SOD3: variants seen among roughly 807,000 people sequenced by gnomAD.
SOD3 encodes extracellular superoxide dismutase [Cu-Zn].
Under a neutral mutation model 2.6 loss-of-function variants are expected in SOD3, and 3 were observed. The observed-to-expected ratio is 1.13, with a 90% CI of 0.52 to 2.93. The LOEUF is 2.93. SOD3 is among the 30% of genes most tolerant of loss of function. The probability of loss-of-function intolerance (pLI) is 0.04; values close to 1 mark genes in which losing one functional copy is unlikely to be tolerated. For synonymous variants in SOD3, 188 were observed against 177.5 expected, an observed-to-expected ratio of 1.06 and a Z score of -0.47; for missense variants, 379 against 370.4, an observed-to-expected ratio of 1.02 and a Z score of -0.19.
At chr4:24,797,977 C>A (rs1713719685) in intron 1 of SOD3, among the ~76,000 whole-genome samples, 1 of 152,166 alleles carries the variant, frequency 6.6e-6, no homozygotes, top group African/African-American at 2.4e-5. Flanking sequence ...GGATTCAAAT[C>A]TGTACCTGAC....
intron 1 of SOD3, 105 bp from the exon 2 acceptor site, chr4:24,799,401 A>C (rs1713761693): frequency 1.5e-6 from 2 of 1,351,306 alleles, no homozygotes; most frequent in South Asian, 1.4e-5. Context: ...CAGGAAGCCC[A>C]CTGGGGACTG....
chr4:24,800,269 C>A lies in SOD3; in HGVS notation c.*25C>A. 7.3e-7 allele frequency: 1 copy of A among 1,378,960 alleles called. No homozygotes were observed. Among genetic ancestry groups the A allele is most frequent in the South Asian group, 1.7e-5 (1 of 57,264 alleles). 85.4% of individuals were successfully genotyped at this position (1,378,960 alleles called of 1,614,324 possible). On this transcript the variant is annotated 3_prime_UTR_variant, in exon 2 of 2. Coordinates refer to ENST00000382120, the MANE Select transcript of SOD3 (RefSeq NM_003102.4). ...AGCGCGGCCCCCACCCGGCGGCGGC[C>A]AGGGACCCCCGAGGCCCCCCTCTGC...
Position 24,800,355 on chromosome 4 carries a change from TGCTGAAGTCTCCCC to T in SOD3, c.*114_*127del. On this transcript the variant is annotated 3_prime_UTR_variant, in exon 2 of 2. Coordinates refer to ENST00000382120, the MANE Select transcript of SOD3 (RefSeq NM_003102.4). ...CACTCTGAGGTCTCACCTTCGCCTT[TGCTGAAGTCTCCCC>T]GCAGCCCTCTCCACCCAGAGGTCTC... 1.8e-6 allele frequency: 2 copies of T among 1,109,794 alleles called. No individual in the cohort carries two copies. Among genetic ancestry groups the T allele is most frequent in the Non-Finnish European group, 2.4e-6 (2 of 848,448 alleles). 68.7% of individuals were successfully genotyped at this position (1,109,794 alleles called of 1,614,324 possible). A position where few individuals can be genotyped will look rare whatever the true frequency, so the allele number is the denominator to read the frequency against.
Position 24,799,774 on chromosome 4 carries a change from C to A in SOD3, c.253C>A (p.Arg85=). 6.4e-7 allele frequency: 1 copy of A among 1,574,426 alleles called. No homozygotes were observed. Among genetic ancestry groups the A allele is most frequent in the East Asian group, 2.3e-5 (1 of 43,210 alleles). The part of the protein sequence containing the change: ...QPRVTGVVLF[R]QLAPRAKLDA... ...CCGGGTGACCGGCGTCGTCCTCTTC[C>A]GGCAGCTTGCGCCCCGCGCCAAGCT... is the stretch of plus-strand genomic sequence containing the variant. The change falls in exon 2 of 2, where the codon CGG becomes AGG. Residue 85 remains arginine (R), a synonymous_variant. Coordinates refer to ENST00000382120, the MANE Select transcript of SOD3 (RefSeq NM_003102.4).
chr4:24,799,381 C>T (rs1028916593), intron 1 of SOD3, 125 bp from the exon 2 acceptor site: 1 of 1,118,028 alleles, frequency 8.9e-7, no homozygotes, highest in Non-Finnish European at 1.2e-6. Flanking sequence ...TGAAGTCATG[C>T]CCACTGGGCC....
chr4:24,799,878 G>T lies in SOD3; in HGVS notation c.357G>T (p.Gly119=), dbSNP rs1052441151. Residue 119 remains glycine, a synonymous_variant, in exon 2 of 2, where the codon GGG becomes GGT. Coordinates refer to ENST00000382120, the MANE Select transcript of SOD3 (RefSeq NM_003102.4). ...SSRAIHVHQF[G]DLSQGCESTG... ...GCGCCATCCACGTGCACCAGTTCGG[G>T]GACCTGAGCCAGGGCTGCGAGTCCA... The T allele has an allele frequency of 1.2e-6, 2 of 1,602,670 alleles. No individual in the cohort carries two copies. Among genetic ancestry groups the T allele is most frequent in the African/African-American group, 1.3e-5 (1 of 74,830 alleles).
intron 1 of SOD3, among the ~76,000 whole-genome samples, chr4:24,796,024 G>A (rs1713648857): frequency 6.6e-6 from 1 of 152,170 alleles, no homozygotes; most frequent in Admixed American, 6.5e-5. Context: ...AAGCAGAGAG[G>A]CCCTGGCCAG....
At position 24,800,138 on chromosome 4, in the gene SOD3, C is replaced by A; in HGVS notation, c.617C>A (p.Ala206Asp). 7.2e-7 allele frequency: 1 copy of A among 1,384,702 alleles called. No homozygotes were observed. Among genetic ancestry groups the A allele is most frequent in the Non-Finnish European group, 9.3e-7 (1 of 1,080,298 alleles). The allele number at this position is 1,384,702 out of a possible 1,614,324, so 85.8% of individuals were successfully genotyped here. A position where few individuals can be genotyped will look rare whatever the true frequency, so the allele number is the denominator to read the frequency against. Residue 206 changes from alanine (A) to aspartate (D), a missense_variant, in exon 2 of 2, where the codon GCC becomes GAC. Ala to Asp is a moderately radical substitution (Grantham distance 126). Transcript: ENST00000382120. Reference sequence around the variant, plus strand: ...AACGGGAACGCGGGCCGGCGGCTGGCCTGCTGCGTGGTGGGCGTGTGCGGG... The same window carrying A: ...AACGGGAACGCGGGCCGGCGGCTGGACTGCTGCGTGGTGGGCGTGTGCGGG... The part of the protein sequence containing the change: ...VENGNAGRRL[A>D]CCVVGVCGPG...
intron 1 of SOD3, among the ~76,000 whole-genome samples, chr4:24,799,117 G>C (rs1454979769): frequency 6.6e-6 from 1 of 152,138 alleles, no homozygotes; most frequent in East Asian, 1.9e-4. Context: ...GGATGTCTGT[G>C]GGGGAGGATG....
In SOD3 at chr4:24,800,082, G is replaced by A; in HGVS notation, c.561G>A (p.Leu187=). 7.1e-7 allele frequency: 1 copy of A among 1,406,402 alleles called. No individual in the cohort carries two copies. Among genetic ancestry groups the A allele is most frequent in the Non-Finnish European group, 9.2e-7 (1 of 1,091,564 alleles). The allele number at this position is 1,406,402 out of a possible 1,614,324, so 87.1% of individuals were successfully genotyped here. ...TCGTCCACGCTGGCGAGGACGACCT[G>A]GGCCGCGGCGGCAACCAGGCCAGCG... ...AVVVHAGEDD[L]GRGGNQASVE... Residue 187 remains leucine, a synonymous_variant, in exon 2 of 2, where the codon CTG becomes CTA. Coordinates refer to ENST00000382120, the MANE Select transcript of SOD3 (RefSeq NM_003102.4).
intron 1 of SOD3, among the ~76,000 whole-genome samples, chr4:24,798,588 C>T (rs1266739466): frequency 6.6e-6 from 1 of 152,148 alleles, no homozygotes; most frequent in East Asian, 1.9e-4. Flanking sequence ...TTCTTCCTCC[C>T]CTTTCCTCTT....
intron 1 of SOD3, among the ~76,000 whole-genome samples, chr4:24,796,317 A>G (rs1713657306): frequency 6.6e-6 from 1 of 152,134 alleles, no homozygotes; most frequent in African/African-American, 2.4e-5. Context: ...GTGGGAGAAG[A>G]ATCAAGTTGG....
At chr4:24,797,919 T>C (rs1270265322) in intron 1 of SOD3, among the ~76,000 whole-genome samples, 1 of 152,190 alleles carries the variant, frequency 6.6e-6, no homozygotes, top group African/African-American at 2.4e-5. Context: ...AACTTGAAGC[T>C]AAGCATCAGT....
At chr4:24,799,479 C>G (rs761568110) in intron 1 of SOD3, 27 bp from the exon 2 acceptor site, 6 of 1,590,844 alleles carry the variant, frequency 3.8e-6, no homozygotes, top group Non-Finnish European at 4.3e-6. Flanking sequence ...CTCACTCTGC[C>G]CCCACCTCCG....
At position 24,799,678 on chromosome 4, in the gene SOD3, C is replaced by T. The variant is rs1214038276; in HGVS notation, c.157C>T (p.Arg53Trp). 2 of 1,594,076 alleles carry T rather than the reference C, an allele frequency of 1.3e-6. No individual in the cohort carries two copies. The change falls in exon 2 of 2, where the codon CGG (arginine) becomes TGG (tryptophan). Residue 53 changes from arginine (R) to tryptophan (W), a missense_variant. By Grantham distance (101) the Arg-to-Trp change is moderately radical. Transcript: ENST00000382120. ...TEIWQEVMQR[R>W]DDDGALHAAC... ...GATCTGGCAGGAGGTCATGCAGCGG[C>T]GGGACGACGACGGCGCGCTCCACGC... is the stretch of plus-strand genomic sequence containing the variant.
chr4:24,800,243 G>T lies in SOD3; in HGVS notation c.722G>T (p.Ter241LeuextTer31). 7.2e-7 allele frequency: 1 copy of T among 1,397,492 alleles called. No individual in the cohort carries two copies. The highest frequency in any genetic ancestry group is 3.6e-5 in the Admixed American group (1 of 27,478). The allele number at this position is 1,397,492 out of a possible 1,614,324, so 86.6% of individuals were successfully genotyped here. A position where few individuals can be genotyped will look rare whatever the true frequency, so the allele number is the denominator to read the frequency against. ...CGCGAGAGCGAGTGCAAGGCCGCCT[G>T]AGCGCGGCCCCCACCCGGCGGCGGC... ...RRRESECKAA[*>L] Residue 241 changes from the stop codon to leucine (L), a stop_lost, in exon 2 of 2, where the codon TGA becomes TTA. Transcript: ENST00000382120.
At chr4:24,796,435 C>CCTTTTT (rs1713662066) in intron 1 of SOD3, among the ~76,000 whole-genome samples, 1 of 71,938 alleles carries the variant, frequency 1.4e-5, no homozygotes, top group Non-Finnish European at 2.2e-5. Context: ...TCCTTCTTCT[C>CCTTTTT]TTTTTTTTTT....
chr4:24,799,767 C>A lies in SOD3; in HGVS notation c.246C>A (p.Val82=). Residue 82 remains valine, a synonymous_variant, in exon 2 of 2, where the codon GTC becomes GTA. Coordinates refer to ENST00000382120, the MANE Select transcript of SOD3 (RefSeq NM_003102.4). The part of the protein sequence containing the change: ...DAAQPRVTGV[V]LFRQLAPRAK... ...CGCAGCCCCGGGTGACCGGCGTCGT[C>A]CTCTTCCGGCAGCTTGCGCCCCGCG... 2.5e-6 allele frequency: 4 copies of A among 1,571,370 alleles called. No homozygotes were observed. Among genetic ancestry groups the A allele is most frequent in the Non-Finnish European group, 3.4e-6 (4 of 1,165,236 alleles).
intron 1 of SOD3, among the ~76,000 whole-genome samples, chr4:24,797,662 G>C (rs530483631): frequency 6.6e-6 from 1 of 152,218 alleles, no homozygotes; most frequent in Non-Finnish European, 1.5e-5. Context: ...CTAACCCTTA[G>C]ACTAAGTGGC....
Sources: gnomAD v4.1 joint callset for allele counts (sites outside exome capture counted in the v4.1 genomes callset) on GRCh38, gnomAD v4.1.1 for gene constraint, MANE v1.5 for transcripts, NCBI Gene and HGNC (gene_info 2026-07-23, HGNC 2026-07-21) for gene names.